ATP2B2: variants seen among roughly 807,000 people sequenced by gnomAD.
ATP2B2 encodes the protein ATPase plasma membrane Ca2+ transporting 2.
A neutral mutation model predicts 120.0 loss-of-function variants in ATP2B2; 15 were observed. The ratio of observed to expected loss-of-function variants is 0.12; its 90% CI spans 0.08 to 0.19. ATP2B2 has a LOEUF of 0.19. ATP2B2 is among the 10% of genes least tolerant of loss of function. ATP2B2 has a pLI of 1.00. For missense variants in ATP2B2, 1,045 were observed against 1,719.8 expected (o/e 0.61, Z 6.94); for synonymous variants, 694 against 700.3 (o/e 0.99, Z 0.14).
At chr3:10,599,122 A>C (rs940992409) in intron 2 of ATP2B2, among the ~76,000 whole-genome samples, 1 of 152,082 alleles carries the variant, frequency 6.6e-6, no homozygotes, top group African/African-American at 2.4e-5. Context: ...CTTAGTCCAC[A>C]CTCTGTGAGG....
At chr3:10,514,943 G>A (rs1186902467) in intron 3 of ATP2B2, among the ~76,000 whole-genome samples, 1 of 152,230 alleles carries the variant, frequency 6.6e-6, no homozygotes, top group Non-Finnish European at 1.5e-5. Context: ...TGGGCCGGGA[G>A]AGTGCTGACC....
chr3:10,461,643 G>A (rs1349779070), intron 1 of ATP2B2, among the ~76,000 whole-genome samples: 3 of 152,158 alleles, frequency 2.0e-5, no homozygotes, highest in Non-Finnish European at 2.9e-5. Flanking sequence ...AGAGATGAAT[G>A]AGCGGATGGT....
At chr3:10,665,489 C>T (rs1472739525) in intron 1 of ATP2B2, among the ~76,000 whole-genome samples, 1 of 152,110 alleles carries the variant, frequency 6.6e-6, no homozygotes, top group Non-Finnish European at 1.5e-5. Context: ...CTGTGGGGTT[C>T]CTGGAATAGG....
At chr3:10,707,369 C>G (rs983692188) in intron 1 of ATP2B2, among the ~76,000 whole-genome samples, 1 of 152,188 alleles carries the variant, frequency 6.6e-6, no homozygotes, top group African/African-American at 2.4e-5. Context: ...TCTCCTAGCT[C>G]TCCTGGCTCC....
At chr3:10,480,670 C>T (rs921185410) in intron 1 of ATP2B2, among the ~76,000 whole-genome samples, 1 of 152,204 alleles carries the variant, frequency 6.6e-6, no homozygotes, top group Non-Finnish European at 1.5e-5. Context: ...CAGACTTTCT[C>T]CTAGGTTCCT....
chr3:10,644,543 A>G lies in ATP2B2; in HGVS notation c.-459-24582T>C, dbSNP rs147308435. Among the ~76,000 whole-genome samples, 169 of 152,376 alleles carry G rather than the reference A, an allele frequency of 1.1e-3. 2 individuals are homozygous for G. The highest frequency in any genetic ancestry group is 3.8e-3 in the African/African-American group (158 of 41,598). The stretch of plus-strand genomic sequence containing the variant: ...ATCAAATGATGAATGGATAAACAAA[A>G]TGTGATGTGTACATGCAATGGAATA... On this transcript the variant is annotated intron_variant, in intron 1 of 21. Coordinates refer to the ATP2B2 transcript ENST00000646379.
intron 3 of ATP2B2, among the ~76,000 whole-genome samples, chr3:10,523,851 A>T (rs1452043447): frequency 1.3e-5 from 2 of 152,014 alleles, no homozygotes; most frequent in African/African-American, 2.4e-5. Flanking sequence ...CAGAAAAAAA[A>T]AAAAATAAAA....
intron 1 of ATP2B2, among the ~76,000 whole-genome samples, chr3:10,488,837 CACA>C (rs2065829023): frequency 6.6e-6 from 1 of 151,940 alleles, no homozygotes; most frequent in Non-Finnish European, 1.5e-5. Context: ...CCTCACCCCC[CACA>C]GTCTGTTTTC....
chr3:10,397,592 G>C (rs776098929), intron 5 of ATP2B2, among the ~76,000 whole-genome samples: 7 of 152,136 alleles, frequency 4.6e-5, no homozygotes, highest in Non-Finnish European at 8.8e-5. Context: ...ATGGAAAAAA[G>C]TTAAGTGGGC....
In ATP2B2 at chr3:10,681,363, T is replaced by C. The variant is rs2071379149; in HGVS notation, c.-460+26552A>G. On this transcript the variant is annotated intron_variant, in intron 1 of 21. Coordinates refer to the ATP2B2 transcript ENST00000646379. ...CAAAATGATTGCAATCTCTCTGCTG[T>C]GTGCTGGGAACCTCCTCGTTTCCAA... Among the ~76,000 whole-genome samples, 3 of 152,198 alleles carry C rather than the reference T, an allele frequency of 2.0e-5. No homozygotes were observed. The South Asian group carries it at 6.2e-4, about 31-fold the overall frequency.
chr3:10,440,100 TAAAAAAAAAAAAAAAAAAA>T (rs71055819), intron 2 of ATP2B2, among the ~76,000 whole-genome samples: 1 of 28,142 alleles, frequency 3.6e-5, no homozygotes, highest in Admixed American at 6.0e-4. Context: ...AGACTCTATC[TAAAAAAAAAAAAAAAAAAA>T]AAAAAAAAAA....
At chr3:10,450,968 C>T (rs40509) in intron 1 of ATP2B2, among the ~76,000 whole-genome samples, 99,518 of 151,982 alleles carry the variant, frequency 0.65, 36,624 homozygotes, top group Non-Finnish European at 0.82. Flanking sequence ...GGGCCCAGGA[C>T]GGTGAGGGGA....
Position 10,512,464 on chromosome 3 carries a change from G to GCGCGCGCGCACACACA in ATP2B2, c.-320+21574_-320+21575insTGTGTGTGCGCGCGCG, listed in dbSNP as rs749056818. 8.6e-3 allele frequency among the ~76,000 whole-genome samples: 1,174 copies of GCGCGCGCGCACACACA among 136,788 alleles called. 8 individuals are homozygous for GCGCGCGCGCACACACA. The highest frequency in any genetic ancestry group is 0.019 in the East Asian group (85 of 4,414). 89.7% of individuals were successfully genotyped at this position (136,788 alleles called of 152,430 possible). A position where few individuals can be genotyped will look rare whatever the true frequency, so the allele number is the denominator to read the frequency against. On this transcript the variant is annotated intron_variant, in intron 3 of 21. Transcript: ENST00000646379. ...TATTCCTGGGTGCTAAAGTGTGTGC[G>GCGCGCGCGCACACACA]CACACACACACACACACACACACAC...
At chr3:10,701,882 T>G (rs981230720) in intron 1 of ATP2B2, among the ~76,000 whole-genome samples, 7 of 152,190 alleles carry the variant, frequency 4.6e-5, no homozygotes, top group Non-Finnish European at 1.0e-4. Flanking sequence ...ACAAATTTTT[T>G]TTTTTGAAAA....
At chr3:10,556,964 A>G (rs561305971) in intron 2 of ATP2B2, among the ~76,000 whole-genome samples, 1 of 152,286 alleles carries the variant, frequency 6.6e-6, no homozygotes, top group African/African-American at 2.4e-5. Context: ...CAGGATTTGA[A>G]TCTCAGACTA....
At chr3:10,611,989 A>G (rs999742557) in intron 2 of ATP2B2, among the ~76,000 whole-genome samples, 4 of 152,128 alleles carry the variant, frequency 2.6e-5, no homozygotes, top group Non-Finnish European at 5.9e-5. Flanking sequence ...TCCTGTCTAC[A>G]TTTCTGCCAG....
At chr3:10,600,821 T>G (rs1384677194) in intron 2 of ATP2B2, among the ~76,000 whole-genome samples, 1 of 152,010 alleles carries the variant, frequency 6.6e-6, no homozygotes, top group Non-Finnish European at 1.5e-5. Flanking sequence ...GAGGGCTGAG[T>G]GAGGGCATGG....
At chr3:10,620,886 G>C (rs1293169019) in intron 1 of ATP2B2, among the ~76,000 whole-genome samples, 1 of 152,172 alleles carries the variant, frequency 6.6e-6, no homozygotes, top group Non-Finnish European at 1.5e-5. Flanking sequence ...CAGATCCTGA[G>C]GGGCAAATGG....
At chr3:10,613,571 A>G (rs926863549) in intron 2 of ATP2B2, among the ~76,000 whole-genome samples, 5 of 151,940 alleles carry the variant, frequency 3.3e-5, no homozygotes, top group African/African-American at 1.2e-4. Flanking sequence ...ATCACCTTTG[A>G]TTCTTCTTTT....
Sources: allele counts gnomAD v4.1 joint callset (sites outside exome capture counted in the v4.1 genomes callset), GRCh38; gene constraint gnomAD v4.1.1; transcripts MANE v1.5; gene names NCBI Gene and HGNC (gene_info 2026-07-23, HGNC 2026-07-21).